The following DENND1B variants were observed in gnomAD, a reference collection of about 807,000 sequenced individuals.
DENND1B encodes the protein DENN domain-containing protein 1B.
DENND1B carries 59 observed loss-of-function variants against 90.1 expected under a neutral mutation model. The observed-to-expected ratio is 0.65, with a 90% CI of 0.53 to 0.81. The LOEUF (loss-of-function observed/expected upper bound fraction) is 0.81. Ranked by LOEUF, DENND1B falls within the 40% of genes least tolerant of loss-of-function variation. The probability of loss-of-function intolerance (pLI) is 0.00; values close to 1 mark genes in which losing one functional copy is unlikely to be tolerated. For synonymous variants in DENND1B, 337 were observed against 324.6 expected (o/e 1.04, Z -0.41); for missense variants, 862 against 912.6 (o/e 0.94, Z 0.71).
At position 197,754,157 on chromosome 1, in the gene DENND1B, C is replaced by T. The variant is rs566606198; in HGVS notation, c.82+18711G>A. On this transcript the variant is annotated intron_variant, in intron 2 of 22. Coordinates refer to ENST00000620048, the MANE Select transcript of DENND1B (RefSeq NM_001195215.2). ...TGGATATATGGAATTAAATAAAATA[C>T]ATTGTTAATATTTTTAAAAAGAGGA... Among the ~76,000 whole-genome samples, 3 of 151,822 alleles carry T rather than the reference C, an allele frequency of 2.0e-5. No homozygotes were observed. The South Asian group carries it at 6.2e-4, about 32-fold the overall frequency.
intron 15 of DENND1B, among the ~76,000 whole-genome samples, chr1:197,564,159 G>A (rs1672411791): frequency 6.6e-6 from 1 of 151,844 alleles, no homozygotes; most frequent in African/African-American, 2.4e-5. Flanking sequence ...AGTTGATTAA[G>A]CAGCAGAAGG....
chr1:197,776,360 G>A (rs1045710838), upstream of DENND1B, among the ~76,000 whole-genome samples: 7 of 152,126 alleles, frequency 4.6e-5, no homozygotes, highest in African/African-American at 1.7e-4. Flanking sequence ...ACCTCATATT[G>A]CCTGTCTCCC....
At chr1:197,546,891 T>C (rs1670852061) in intron 16 of DENND1B, 118 bp from the exon 17 acceptor site, 4 of 758,360 alleles carry the variant, frequency 5.3e-6, no homozygotes, top group African/African-American at 1.8e-5. Flanking sequence ...ATATGCAATG[T>C]TGAAAAGTAG....
chr1:197,633,171 C>T (rs1463852980), intron 10 of DENND1B, among the ~76,000 whole-genome samples: 5 of 152,120 alleles, frequency 3.3e-5, no homozygotes, highest in Admixed American at 2.6e-4. Flanking sequence ...AGGGCTTCTC[C>T]TTTAGAGGAA....
rs554664412 is a variant in DENND1B, at chr1:197,566,161, G to A, written c.1150-13049C>T. On this transcript the variant is annotated intron_variant, in intron 15 of 22. Transcript: ENST00000620048. ...TCCTCTCCAGCACCTGTTGTTTCCTGACTTTTTAATGATTGCCATTCTAAC... is the reference window on the plus strand; with the variant it reads ...TCCTCTCCAGCACCTGTTGTTTCCTAACTTTTTAATGATTGCCATTCTAAC... 2.0e-5 allele frequency among the ~76,000 whole-genome samples: 3 copies of A among 152,142 alleles called. No individual in the cohort carries two copies. In the East Asian group the frequency reaches 5.8e-4, roughly 29 times the overall value.
At position 197,540,960 on chromosome 1, in the gene DENND1B, T is replaced by C; in HGVS notation, c.1406A>G (p.Lys469Arg). The change falls in exon 19 of 23, where the codon AAG becomes AGG. Residue 469 changes from lysine (K) to arginine (R), a missense_variant and splice_region_variant. Physicochemically the swap from Lys to Arg is conservative, Grantham distance 26. Coordinates refer to ENST00000620048, the MANE Select transcript of DENND1B (RefSeq NM_001195215.2). ...LKEVKSKLKH[K>R]ENEEDYGTCS... Reference sequence around the variant, plus strand: ...TGGAAAAAAATGAATATGACATACCTTGTGTTTTAGTTTACTCTTCACTTC... The same window carrying C: ...TGGAAAAAAATGAATATGACATACCCTGTGTTTTAGTTTACTCTTCACTTC... 1.2e-6 allele frequency: 2 copies of C among 1,611,698 alleles called. No homozygotes were observed. The highest frequency in any genetic ancestry group is 1.7e-6 in the Non-Finnish European group (2 of 1,178,722).
chr1:197,583,707 C>T (rs1674446445), intron 14 of DENND1B, among the ~76,000 whole-genome samples: 1 of 152,054 alleles, frequency 6.6e-6, no homozygotes. Context: ...TTTACAATCA[C>T]CTTCTCTTCA....
In DENND1B at chr1:197,506,351, C is replaced by T. The variant is rs1267044440; in HGVS notation, c.*4109G>A. The T allele has an allele frequency of 1.3e-5, 2 of 151,456 alleles. No homozygotes were observed. Among genetic ancestry groups the T allele is most frequent in the African/African-American group, 4.8e-5 (2 of 41,336 alleles). 9.4% of individuals were successfully genotyped at this position (151,456 alleles called of 1,614,324 possible). A position where few individuals can be genotyped will look rare whatever the true frequency, so the allele number is the denominator to read the frequency against. ...ACACTAACAATATTACTGGGTTTGA[C>T]CCAGGAACATTAGTACTGACATAGG... On this transcript the variant is annotated 3_prime_UTR_variant, in exon 23 of 23. Transcript: ENST00000620048.
intron 11 of DENND1B, among the ~76,000 whole-genome samples, chr1:197,612,807 T>C (rs1677296569): frequency 6.6e-6 from 1 of 150,574 alleles, no homozygotes. Context: ...TTTTATACTC[T>C]TGCAAAAAAT....
In DENND1B at chr1:197,628,834, AAAAC is replaced by A. The variant is rs1381048492; in HGVS notation, c.673-11079_673-11076del. Among the ~76,000 whole-genome samples the A allele has an allele frequency of 4.6e-5, 7 of 152,180 alleles. 1 individual carries two copies. In the South Asian group the frequency reaches 1.0e-3, roughly 23 times the overall value. ...TGAACTCAAACAAATTTACAAGAAA[AAAAC>A]AAACAACCCCATCAAAAAGTGGGCG... is the stretch of plus-strand genomic sequence containing the variant. On this transcript the variant is annotated intron_variant, in intron 10 of 22. Transcript: ENST00000620048.
rs774053245 is a variant in DENND1B at position 197,722,463 on chromosome 1, ATT to A, written c.83-7391_83-7390del. Among the ~76,000 whole-genome samples the A allele has an allele frequency of 2.6e-5, 4 of 152,140 alleles. 1 individual carries two copies. Among genetic ancestry groups the A allele is most frequent in the East Asian group, 3.8e-4 (2 of 5,196 alleles). On this transcript the variant is annotated intron_variant, in intron 2 of 22. Coordinates refer to ENST00000620048, the MANE Select transcript of DENND1B (RefSeq NM_001195215.2). ...TTTACTGTGCATTCATTAGACAGTA[ATT>A]TAAAGAACATCCACAAGTCTAAAAG...
At chr1:197,576,407 A>G (rs1013740292) in intron 15 of DENND1B, among the ~76,000 whole-genome samples, 10 of 152,230 alleles carry the variant, frequency 6.6e-5, no homozygotes, top group Non-Finnish European at 1.5e-4. Context: ...TTCCAAGCCA[A>G]TATTCTTCAC....
At chr1:197,536,588 T>C (rs964219281) in intron 20 of DENND1B, among the ~76,000 whole-genome samples, 3 of 152,054 alleles carry the variant, frequency 2.0e-5, no homozygotes, top group East Asian at 1.9e-4. Flanking sequence ...CAGAAAACAA[T>C]TGCTAGAGGG....
Position 197,632,273 on chromosome 1 carries a change from A to G in DENND1B, c.672+10438T>C, listed in dbSNP as rs917698132. On this transcript the variant is annotated intron_variant, in intron 10 of 22. Transcript: ENST00000620048. ...AAAAGCCAAACCTCTTAAATTAGCA[A>G]ATGTGATTCTTCACAATCTGGCCAC... Among the ~76,000 whole-genome samples the G allele has an allele frequency of 3.9e-5, 6 of 152,214 alleles. No individual in the cohort carries two copies. In the South Asian group the frequency reaches 8.3e-4, roughly 21 times the overall value.
chr1:197,538,659 T>TA (rs1367352026), intron 20 of DENND1B, among the ~76,000 whole-genome samples: 1 of 97,632 alleles, frequency 1.0e-5, no homozygotes, highest in Non-Finnish European at 2.7e-5. Flanking sequence ...TAATGGGATT[T>TA]TTTTTTTTTT....
chr1:197,566,625 CATTT>C (rs1453162639), intron 15 of DENND1B, among the ~76,000 whole-genome samples: 1 of 151,982 alleles, frequency 6.6e-6, no homozygotes, highest in East Asian at 1.9e-4. Context: ...ATCAACTTTT[CATTT>C]ATTTATTTAA....
At position 197,695,195 on chromosome 1, in the gene DENND1B, G is replaced by T. The variant is rs543552416; in HGVS notation, c.126+19836C>A. ...TCTACATAAGATAGATAGATACAAAGATATGTTTATGATGATGATTTTAGA... is the reference window on the plus strand; with the variant it reads ...TCTACATAAGATAGATAGATACAAATATATGTTTATGATGATGATTTTAGA... On this transcript the variant is annotated intron_variant, in intron 3 of 22. Transcript: ENST00000620048. Among the ~76,000 whole-genome samples the T allele has an allele frequency of 2.1e-4, 32 of 151,198 alleles. 2 individuals are homozygous for T. In the South Asian group the frequency reaches 6.7e-3, roughly 31 times the overall value.
chr1:197,572,830 A>C (rs1433437936), intron 15 of DENND1B, among the ~76,000 whole-genome samples: 1 of 152,166 alleles, frequency 6.6e-6, no homozygotes, highest in African/African-American at 2.4e-5. Context: ...GAGGGACCTG[A>C]CTGTTAGAAG....
At chr1:197,660,483 A>C in intron 5 of DENND1B, among the ~76,000 whole-genome samples, 1 of 152,142 alleles carries the variant, frequency 6.6e-6, no homozygotes, top group South Asian at 2.1e-4. Context: ...GTTTCATTTT[A>C]AAGAATGACT....
Sources: allele counts gnomAD v4.1 joint callset (sites outside exome capture counted in the v4.1 genomes callset), GRCh38; gene constraint gnomAD v4.1.1; transcripts MANE v1.5; gene names NCBI Gene and HGNC (gene_info 2026-07-23, HGNC 2026-07-21).